CSMD2: variants seen among roughly 807,000 people sequenced by gnomAD.
CSMD2 encodes the protein CUB and Sushi multiple domains 2, also known as CUB and sushi domain-containing protein 2.
Under a neutral mutation model 398.5 loss-of-function variants are expected in CSMD2, and 130 were observed. The ratio of observed to expected loss-of-function variants is 0.33; its 90% CI spans 0.28 to 0.38. CSMD2 has a LOEUF of 0.38. Ranked by LOEUF, CSMD2 falls within the 10% of genes least tolerant of loss-of-function variation. The pLI is 1.00. For missense variants in CSMD2, 3,829 were observed against 4,764.9 expected (o/e 0.80, Z 5.78); for synonymous variants, 1,828 against 1,908.5 (o/e 0.96, Z 1.10).
intron 3 of CSMD2, among the ~76,000 whole-genome samples, chr1:34,002,274 C>G (rs1389457583): frequency 6.6e-6 from 1 of 152,172 alleles, no homozygotes; most frequent in Non-Finnish European, 1.5e-5. Flanking sequence ...TATATTCTTA[C>G]TGTATTGCTT....
intron 12 of CSMD2, among the ~76,000 whole-genome samples, chr1:33,774,106 ATTGTGT>A: frequency 8.4e-6 from 1 of 119,698 alleles, no homozygotes; most frequent in African/African-American, 3.1e-5. Context: ...TATGGCTGGG[ATTGTGT>A]GTGTGTGTGT....
intron 13 of CSMD2, among the ~76,000 whole-genome samples, chr1:33,766,213 G>A (rs1014144001): frequency 1.3e-5 from 2 of 152,156 alleles, no homozygotes; most frequent in African/African-American, 4.8e-5. Context: ...TTATGTGTGC[G>A]TCAATGTATC....
At chr1:34,083,309 T>C (rs1163135579) in intron 2 of CSMD2, among the ~76,000 whole-genome samples, 1 of 152,194 alleles carries the variant, frequency 6.6e-6, no homozygotes, top group Non-Finnish European at 1.5e-5. Flanking sequence ...ATCTTCTAGC[T>C]CTCGCTCTTT....
intron 2 of CSMD2, among the ~76,000 whole-genome samples, chr1:34,071,520 C>G (rs1462983723): frequency 6.6e-6 from 1 of 152,256 alleles, no homozygotes; most frequent in East Asian, 1.9e-4. Flanking sequence ...CTCTCATCTC[C>G]TGTCCCAGGG....
chr1:34,114,423 C>G (rs576905080), intron 1 of CSMD2, among the ~76,000 whole-genome samples: 14 of 151,844 alleles, frequency 9.2e-5, no homozygotes, highest in African/African-American at 3.4e-4. Context: ...ATAGGCTGAG[C>G]ACAGTGGTTC....
chr1:33,588,262 T>A (rs555935934), intron 44 of CSMD2, among the ~76,000 whole-genome samples: 1 of 152,370 alleles, frequency 6.6e-6, no homozygotes, highest in Admixed American at 6.5e-5. Context: ...TCATAGGATT[T>A]AATCATACAG....
chr1:33,676,364 T>C (rs1306831191), intron 25 of CSMD2, among the ~76,000 whole-genome samples: 1 of 152,174 alleles, frequency 6.6e-6, no homozygotes, highest in Non-Finnish European at 1.5e-5. Flanking sequence ...TCACAATTGC[T>C]TCAAAGTGAG....
intron 10 of CSMD2, among the ~76,000 whole-genome samples, chr1:33,803,280 G>A (rs1655825907): frequency 6.6e-6 from 1 of 152,146 alleles, no homozygotes; most frequent in African/African-American, 2.4e-5. Flanking sequence ...TCCAAGAAAT[G>A]TTGTCCATTC....
At chr1:34,076,867 A>G (rs1656387516) in intron 2 of CSMD2, among the ~76,000 whole-genome samples, 1 of 135,614 alleles carries the variant, frequency 7.4e-6, no homozygotes, top group African/African-American at 2.8e-5. Flanking sequence ...TCTACTGGCA[A>G]GACTGGTGTA....
At chr1:33,517,005 T>G (rs1247760919) in intron 70 of CSMD2, among the ~76,000 whole-genome samples, 3 of 152,228 alleles carry the variant, frequency 2.0e-5, no homozygotes, top group Admixed American at 2.0e-4. Context: ...ATCTCATTTT[T>G]GATACTTTTT....
At chr1:34,147,032 C>T (rs1478853621) in intron 1 of CSMD2, among the ~76,000 whole-genome samples, 2 of 152,046 alleles carry the variant, frequency 1.3e-5, no homozygotes, top group Admixed American at 1.3e-4. Context: ...CCGAGGCGGG[C>T]GGATCATGAG....
At chr1:34,046,059 A>G (rs1652485782) in intron 2 of CSMD2, among the ~76,000 whole-genome samples, 1 of 152,264 alleles carries the variant, frequency 6.6e-6, no homozygotes, top group African/African-American at 2.4e-5. Flanking sequence ...TGCTGGACAC[A>G]CAAACTATTA....
At chr1:33,758,084 T>C (rs1196510934) in intron 13 of CSMD2, among the ~76,000 whole-genome samples, 1 of 152,232 alleles carries the variant, frequency 6.6e-6, no homozygotes, top group Non-Finnish European at 1.5e-5. Context: ...CAAAAGACTC[T>C]CAGTGACCTA....
chr1:33,593,522 C>G, intron 44 of CSMD2, among the ~76,000 whole-genome samples: 1 of 152,264 alleles, frequency 6.6e-6, no homozygotes, highest in Admixed American at 6.5e-5. Context: ...TGCAGGGAAA[C>G]TCCCATTTTT....
chr1:33,742,315 G>A (rs1647095331), intron 14 of CSMD2, among the ~76,000 whole-genome samples: 1 of 152,216 alleles, frequency 6.6e-6, no homozygotes, highest in Non-Finnish European at 1.5e-5. Flanking sequence ...GGTGGAAAAC[G>A]GAGGCAAGGC....
intron 5 of CSMD2, among the ~76,000 whole-genome samples, chr1:33,871,647 C>T (rs1379228564): frequency 6.6e-6 from 1 of 152,098 alleles, no homozygotes. Flanking sequence ...GATGGAGTCT[C>T]GCTCTGTTGC....
chr1:33,908,615 G>A (rs1231252761), intron 5 of CSMD2, among the ~76,000 whole-genome samples: 2 of 152,242 alleles, frequency 1.3e-5, no homozygotes, highest in Non-Finnish European at 2.9e-5. Flanking sequence ...GAGCCGCTGT[G>A]CCCACTGCGA....
Position 33,577,427 on chromosome 1 carries a change from C to G in CSMD2, c.7445G>C (p.Ser2482Thr). 2 of 1,614,076 alleles carry G rather than the reference C, an allele frequency of 1.2e-6. No homozygotes were observed. Among genetic ancestry groups the G allele is most frequent in the South Asian group, 2.2e-5 (2 of 91,056 alleles). ...PLHGFILGQT[S>T]TQPGGSIHFG... Reference sequence around the variant, plus strand: ...GTGGATGGAGCCCCCGGGCTGGGTGCTGGTCTGGCCTAGGATGAAGCCATG... The same window carrying G: ...GTGGATGGAGCCCCCGGGCTGGGTGGTGGTCTGGCCTAGGATGAAGCCATG... The change falls in exon 49 of 71, where the codon AGC (serine) becomes ACC (threonine). Residue 2482 changes from serine to threonine, a missense_variant. Transcript: ENST00000373381.
intron 5 of CSMD2, among the ~76,000 whole-genome samples, chr1:33,907,087 G>T (rs1643133777): frequency 6.6e-6 from 1 of 151,672 alleles, no homozygotes; most frequent in South Asian, 2.1e-4. Context: ...GAATGGGGTA[G>T]GGGTGGGGTT....
Sources: allele counts gnomAD v4.1 joint callset (sites outside exome capture counted in the v4.1 genomes callset), GRCh38; gene constraint gnomAD v4.1.1; transcripts MANE v1.5; gene names NCBI Gene and HGNC (gene_info 2026-07-23, HGNC 2026-07-21).